The following TOX variants were observed in gnomAD, a reference collection of about 807,000 sequenced individuals.
TOX encodes the protein thymocyte selection associated high mobility group box.
A neutral mutation model predicts 53.7 loss-of-function variants in TOX; 11 were observed. That is an observed-to-expected ratio of 0.20 (90% CI 0.13 to 0.34). The LOEUF (loss-of-function observed/expected upper bound fraction) is 0.34. TOX is among the 10% of genes least tolerant of loss of function. The pLI is 1.00. For synonymous variants in TOX, 225 were observed against 245.3 expected (o/e 0.92, Z 0.77); for missense variants, 570 against 664.6 (o/e 0.86, Z 1.56).
Position 58,808,191 on chromosome 8 carries a change from C to T in TOX, c.1471G>A (p.Glu491Lys). 1 of 1,614,134 alleles carries T rather than the reference C, an allele frequency of 6.2e-7. No individual in the cohort carries two copies. The highest frequency in any genetic ancestry group is 1.3e-5 in the African/African-American group (1 of 75,048). ...TTTCTGCACCCCGAACGCACATACTCCATTGCCTGGGTGACAACTTGTGCA... is the reference window on the plus strand; with the variant it reads ...TTTCTGCACCCCGAACGCACATACTTCATTGCCTGGGTGACAACTTGTGCA... ...TAAQVVTQAMEYVRSGCRNPP... is the reference protein window; with the variant it reads ...TAAQVVTQAMKYVRSGCRNPP... The change falls in exon 8 of 9, where the codon GAG (glutamate) becomes AAG (lysine). Residue 491 changes from glutamate to lysine, a missense_variant. Coordinates refer to ENST00000361421, the MANE Select transcript of TOX (RefSeq NM_014729.3).
chr8:58,827,827 T>G (rs1324264932), intron 5 of TOX, among the ~76,000 whole-genome samples: 1 of 152,254 alleles, frequency 6.6e-6, no homozygotes, highest in Non-Finnish European at 1.5e-5. Flanking sequence ...TCTGCTACCA[T>G]TAAGTTGATT....
intron 1 of TOX, among the ~76,000 whole-genome samples, chr8:59,053,710 A>T (rs1441385313): frequency 6.6e-6 from 1 of 152,212 alleles, no homozygotes; most frequent in Non-Finnish European, 1.5e-5. Context: ...GAACACATGT[A>T]TGCTATTTAA....
chr8:58,985,963 T>C (rs1201391881), intron 1 of TOX, among the ~76,000 whole-genome samples: 2 of 152,206 alleles, frequency 1.3e-5, no homozygotes, highest in Non-Finnish European at 2.9e-5. Flanking sequence ...TCAATAGTAA[T>C]AAATCTCATA....
chr8:59,000,045 A>G (rs533018597), intron 1 of TOX, among the ~76,000 whole-genome samples: 3 of 152,238 alleles, frequency 2.0e-5, no homozygotes, highest in Non-Finnish European at 2.9e-5. Context: ...AAATGCTAGT[A>G]GTAATATGCA....
intron 3 of TOX, among the ~76,000 whole-genome samples, chr8:58,889,173 T>A (rs1207547735): frequency 1.4e-5 from 2 of 146,792 alleles, no homozygotes; most frequent in African/African-American, 5.0e-5. Flanking sequence ...ATATAAGATA[T>A]TTATACAGGG....
chr8:59,072,630 T>C (rs765957913), intron 1 of TOX, among the ~76,000 whole-genome samples: 1 of 152,242 alleles, frequency 6.6e-6, no homozygotes, highest in African/African-American at 2.4e-5. Context: ...GTGAAACTAC[T>C]GAGACCTTTG....
intron 3 of TOX, among the ~76,000 whole-genome samples, chr8:58,879,009 C>T (rs556077723): frequency 4.5e-4 from 66 of 146,716 alleles, no homozygotes; most frequent in Admixed American, 5.6e-4. Flanking sequence ...TGCAGTGAGC[C>T]GAGATCATGC....
At chr8:59,104,974 A>C (rs1804873669) in intron 1 of TOX, among the ~76,000 whole-genome samples, 1 of 152,184 alleles carries the variant, frequency 6.6e-6, no homozygotes, top group South Asian at 2.1e-4. Context: ...TTCACGACTT[A>C]TTCATCTCTG....
intron 3 of TOX, among the ~76,000 whole-genome samples, chr8:58,894,147 C>T (rs1214758184): frequency 6.6e-6 from 1 of 152,146 alleles, no homozygotes. Context: ...AGTGCAAGGG[C>T]CTTAATTCAA....
At chr8:58,842,328 A>G (rs1810658971) in intron 4 of TOX, among the ~76,000 whole-genome samples, 1 of 152,070 alleles carries the variant, frequency 6.6e-6, no homozygotes, top group Admixed American at 6.5e-5. Context: ...AGACAGAAAA[A>G]AGACAACTTT....
chr8:59,085,979 CTTTTTTTTTTT>C (rs35593177), intron 1 of TOX, among the ~76,000 whole-genome samples: 3 of 88,824 alleles, frequency 3.4e-5, no homozygotes, highest in Non-Finnish European at 4.5e-5. Flanking sequence ...CTTTTCTTTT[CTTTTTTTTTTT>C]TTTTTTTTTT....
At chr8:59,096,896 A>G (rs1804721438) in intron 1 of TOX, among the ~76,000 whole-genome samples, 1 of 152,230 alleles carries the variant, frequency 6.6e-6, no homozygotes, top group South Asian at 2.1e-4. Flanking sequence ...TCTTGGGTAG[A>G]GACTTCTTCA....
At chr8:59,026,275 G>A (rs1814237089) in intron 1 of TOX, among the ~76,000 whole-genome samples, 1 of 152,120 alleles carries the variant, frequency 6.6e-6, no homozygotes, top group South Asian at 2.1e-4. Context: ...ACTTCAGAGT[G>A]CTGCTGGCAT....
intron 1 of TOX, among the ~76,000 whole-genome samples, chr8:59,028,543 TTAGA>T (rs781071453): frequency 2.0e-4 from 30 of 152,092 alleles, no homozygotes; most frequent in East Asian, 3.9e-4. Flanking sequence ...AGATAGATAT[TTAGA>T]TAGATAGATA....
chr8:59,027,452 T>G (rs72651366), intron 1 of TOX, among the ~76,000 whole-genome samples: 13 of 48,228 alleles, frequency 2.7e-4, no homozygotes, highest in African/African-American at 4.4e-4. Flanking sequence ...GGAACAAGGT[T>G]TTTTTTTTTA....
intron 5 of TOX, among the ~76,000 whole-genome samples, chr8:58,832,984 G>T (rs976722925): frequency 6.6e-6 from 1 of 152,154 alleles, no homozygotes; most frequent in African/African-American, 2.4e-5. Context: ...ATTAGGTTCT[G>T]GATCTCTAGG....
At chr8:58,893,993 A>G (rs540832881) in intron 3 of TOX, among the ~76,000 whole-genome samples, 94 of 152,330 alleles carry the variant, frequency 6.2e-4, no homozygotes, top group African/African-American at 2.3e-3. Flanking sequence ...AATAAAGATC[A>G]CTTTTTAACT....
chr8:59,103,361 T>C, intron 1 of TOX, among the ~76,000 whole-genome samples: 1 of 151,926 alleles, frequency 6.6e-6, no homozygotes, highest in East Asian at 1.9e-4. Flanking sequence ...GACAAAAGAG[T>C]ATTATGTTGT....
chr8:59,102,832 C>T (rs1442878990), intron 1 of TOX, among the ~76,000 whole-genome samples: 1 of 152,106 alleles, frequency 6.6e-6, no homozygotes, highest in African/African-American at 2.4e-5. Context: ...GAAAGGAATC[C>T]ATGCCTCATG....
Sources: gnomAD v4.1 joint callset for allele counts (sites outside exome capture counted in the v4.1 genomes callset) on GRCh38, gnomAD v4.1.1 for gene constraint, MANE v1.5 for transcripts, NCBI Gene and HGNC (gene_info 2026-07-23, HGNC 2026-07-21) for gene names.